UNC13D: variants seen among roughly 807,000 people sequenced by gnomAD.
UNC13D encodes unc-13 homolog D.
A neutral mutation model predicts 151.7 loss-of-function variants in UNC13D; 115 were observed. That is an observed-to-expected ratio of 0.76 (90% CI 0.65 to 0.88). The LOEUF is 0.88. Among genes scored for constraint, UNC13D ranks in the 40% least tolerant of loss-of-function variants. The pLI, the probability that UNC13D is intolerant of heterozygous loss-of-function variation, is 0.00. For missense variants in UNC13D, 1,369 were observed against 1,438.7 expected (o/e 0.95, Z 0.78); for synonymous variants, 588 against 612.2 (o/e 0.96, Z 0.58).
chr17:75,844,086 G>A (rs1469373341), intron 1 of UNC13D, 135 bp downstream of exon 1: 11 of 1,499,722 alleles, frequency 7.3e-6, no homozygotes, highest in Non-Finnish European at 9.9e-6. Context: ...GCTCTCCCCA[G>A]GGTGGAGTAG....
chr17:75,835,856 A>G lies in UNC13D; in HGVS notation c.1595T>C (p.Leu532Pro), dbSNP rs773716972. The G allele has an allele frequency of 1.2e-6, 2 of 1,614,024 alleles. No homozygotes were observed. Among genetic ancestry groups the G allele is most frequent in the Non-Finnish European group, 1.7e-6 (2 of 1,180,032 alleles). ...FSMAFRELQW[L>P]VAKRVQDHTT... ...CCTAGAGACGGGGGAGGGACTCACC[A>G]GCCACTGCAGCTCCCGGAAAGCCAT... The change falls in exon 18 of 32, where the codon CTG becomes CCG. Residue 532 changes from leucine (L) to proline (P), a missense_variant and splice_region_variant. Physicochemically the swap from Leu to Pro is moderately conservative, Grantham distance 98. Coordinates refer to ENST00000207549, the MANE Select transcript of UNC13D (RefSeq NM_199242.3).
rs1465490251 is a variant in UNC13D, at chr17:75,836,098, C to A, written c.1458G>T (p.Glu486Asp). 6.2e-7 allele frequency: 1 copy of A among 1,613,440 alleles called. No homozygotes were observed. The highest frequency in any genetic ancestry group is 2.2e-5 in the East Asian group (1 of 44,890). The change falls in exon 17 of 32, where the codon GAG becomes GAT. Residue 486 changes from glutamate to aspartate, a missense_variant. Physicochemically the swap from Glu to Asp is conservative, Grantham distance 45. Transcript: ENST00000207549. ...CCAGGCCCAGCAAGGCCTTGCCTGC[C>A]TCCGGGATGCCCTGCAGAGACAGAG... ...HHQPMVQGIPEAGKALLGLVQ... is the reference protein window; with the variant it reads ...HHQPMVQGIPDAGKALLGLVQ...
rs977219681 is a variant in UNC13D, at chr17:75,834,620, T to C, written c.2089A>G (p.Met697Val). ...CCCAGCCCCAGCTCTGGCCTTACCA[T>C]GTTGGCTGCCTGGCCTTGGTCCTTC... The part of the protein sequence containing the change: ...GQKDQGQAAN[M>V]LCVVVNDMEQ... Residue 697 changes from methionine (M) to valine (V), a missense_variant and splice_region_variant, in exon 22 of 32, where the codon ATG becomes GTG. Met to Val is a conservative substitution (Grantham distance 21). Transcript: ENST00000207549. The C allele has an allele frequency of 6.2e-7, 1 of 1,613,788 alleles. No homozygotes were observed. The highest frequency in any genetic ancestry group is 1.7e-5 in the Admixed American group (1 of 60,020).
At position 75,840,450 on chromosome 17, in the gene UNC13D, C is replaced by T. The variant is rs1258328390; in HGVS notation, c.753+57G>A. On this transcript the variant is annotated intron_variant, in intron 9 of 31. Transcript: ENST00000207549. The surrounding 1 kb of genome is among the most constrained non-coding windows in gnomAD (Gnocchi z 4.6). ...AGGACACAGAGCCTCTCCCCAGAAC[C>T]CCTCCCAACCCCCTCCCTCTGCCTC... The T allele has an allele frequency of 3.7e-6, 6 of 1,611,520 alleles. No individual in the cohort carries two copies. In the East Asian group the frequency reaches 6.7e-5, roughly 18 times the overall value.
rs1353643608 is a variant in UNC13D at position 75,830,053 on chromosome 17, G to T, written c.2929C>A (p.Pro977Thr). Residue 977 changes from proline (P) to threonine (T), a missense_variant, in exon 30 of 32, where the codon CCA becomes ACA. Transcript: ENST00000207549. ...ETQKHKKDLH[P>T]LFDETFEFLV... ...AATTCAAAGGTCTCATCAAACAATG[G>T]GTGAAGGTCCTTCTTGTGCTTCTGG... 2 of 1,577,664 alleles carry T rather than the reference G, an allele frequency of 1.3e-6. No homozygotes were observed. Among genetic ancestry groups the T allele is most frequent in the Admixed American group, 3.7e-5 (2 of 53,728 alleles).
chr17:75,843,212 G>C lies in UNC13D; in HGVS notation c.208C>G (p.Pro70Ala). 2 of 1,611,872 alleles carry C rather than the reference G, an allele frequency of 1.2e-6. No individual in the cohort carries two copies. Among genetic ancestry groups the C allele is most frequent in the Non-Finnish European group, 1.7e-6 (2 of 1,179,962 alleles). The change falls in exon 3 of 32, where the codon CCT becomes GCT. Residue 70 changes from proline to alanine, a missense_variant. Physicochemically the swap from Pro to Ala is conservative, Grantham distance 27 (BLOSUM62 -1). Coordinates refer to ENST00000207549, the MANE Select transcript of UNC13D (RefSeq NM_199242.3). ...LYTVLHRLGHPEPNHVTEASE... is the reference protein window; with the variant it reads ...LYTVLHRLGHAEPNHVTEASE... Reference sequence around the variant, plus strand: ...GCCTCCGTCACATGGTTGGGCTCAGGATGACCCAGGCGGTGCAAGACAGTG... The same window carrying C: ...GCCTCCGTCACATGGTTGGGCTCAGCATGACCCAGGCGGTGCAAGACAGTG...
chr17:75,838,470 C>T (rs559826929), intron 12 of UNC13D, among the ~76,000 whole-genome samples: 6 of 152,100 alleles, frequency 3.9e-5, no homozygotes, highest in African/African-American at 7.2e-5. Flanking sequence ...CTGCCTGTCT[C>T]GGCCTCCCAA....
At chr17:75,843,735 G>A in intron 1 of UNC13D, 1 of 1,429,558 alleles carries the variant, frequency 7.0e-7, no homozygotes, top group Non-Finnish European at 9.1e-7. Flanking sequence ...GTGCCCAGCA[G>A]CGCGAGCCCT....
rs374817892 is a variant in UNC13D at position 75,837,019 on chromosome 17, A to G, written c.1056-101T>C. The G allele has an allele frequency of 9.3e-4, 498 of 532,858 alleles. 6 individuals carry two copies. In the South Asian group the frequency reaches 0.011, roughly 11 times the overall value. The allele number at this position is 532,858 out of a possible 1,614,324, so 33.0% of individuals were successfully genotyped here. A position where few individuals can be genotyped will look rare whatever the true frequency, so the allele number is the denominator to read the frequency against. On this transcript the variant is annotated intron_variant, in intron 12 of 31. Coordinates refer to ENST00000207549, the MANE Select transcript of UNC13D (RefSeq NM_199242.3). ...GGGGAATCGCCTCCCATCCACCAGT[A>G]CAGGCTGAAAACTAGTGGCTCAACA...
chr17:75,827,414 TCCA>T lies in UNC13D; in HGVS notation c.*548_*550del. ...CCCTCAGAGCCAGAAGGTTCTTGGC[TCCA>T]GGCTTCCTGGCCTGGATGCTGGCAG... is the stretch of plus-strand genomic sequence containing the variant. On this transcript the variant is annotated 3_prime_UTR_variant, in exon 32 of 32. Coordinates refer to ENST00000207549, the MANE Select transcript of UNC13D (RefSeq NM_199242.3). 4.3e-6 allele frequency: 6 copies of T among 1,411,660 alleles called. No individual in the cohort carries two copies. The highest frequency in any genetic ancestry group is 5.8e-5 in the Admixed American group (2 of 34,364). 87.4% of individuals were successfully genotyped at this position (1,411,660 alleles called of 1,614,324 possible).
intron 12 of UNC13D, 68 bp downstream of exon 12, chr17:75,839,771 G>C (rs1026153202): frequency 6.6e-7 from 1 of 1,523,252 alleles, no homozygotes; most frequent in African/African-American, 1.4e-5. Flanking sequence ...TGGGCTACCG[G>C]CTTGGAGGAG....
Position 75,840,948 on chromosome 17 carries a change from G to T in UNC13D, c.614+9C>A, listed in dbSNP as rs1038930144. 5 of 1,613,880 alleles carry T rather than the reference G, an allele frequency of 3.1e-6. No individual in the cohort carries two copies. Among genetic ancestry groups the T allele is most frequent in the Non-Finnish European group, 4.2e-6 (5 of 1,180,036 alleles). On this transcript the variant is annotated intron_variant, in intron 7 of 31. Transcript: ENST00000207549. This position sits in a 1 kb window ranked among gnomAD's most constrained non-coding sequence, Gnocchi z 4.6. The stretch of plus-strand genomic sequence containing the variant: ...CTTCCCATCCCTAGGGGCAGGCCAG[G>T]TCACTCACCACATGTCCAGATGAAA...
At chr17:75,835,957 T>C (rs774194745) in intron 17 of UNC13D, 51 bp from the exon 18 acceptor site, 11 of 1,614,170 alleles carry the variant, frequency 6.8e-6, no homozygotes, top group Non-Finnish European at 8.5e-6. Context: ...AGGGTCCCCA[T>C]GGTTCCGGCT....
intron 5 of UNC13D, 85 bp from the exon 6 acceptor site, chr17:75,842,698 G>GCCT: frequency 6.2e-7 from 1 of 1,603,288 alleles, no homozygotes; most frequent in African/African-American, 1.3e-5. Context: ...CCGGGGCTGA[G>GCCT]CCTCCTCCGG....
intron 12 of UNC13D, 47 bp downstream of exon 12, chr17:75,839,792 G>T: frequency 6.3e-7 from 1 of 1,595,696 alleles, no homozygotes; most frequent in South Asian, 1.1e-5. Flanking sequence ...GGCAGGGGGC[G>T]TGGGGGGCTG....
Position 75,833,210 on chromosome 17 carries a change from T to C in UNC13D, c.2368-165A>G. On this transcript the variant is annotated intron_variant, in intron 24 of 31. Coordinates refer to ENST00000207549, the MANE Select transcript of UNC13D (RefSeq NM_199242.3). This position sits in a 1 kb window ranked among gnomAD's most constrained non-coding sequence, Gnocchi z 4.0. ...CTGCCCACCTCTCTGCCTTCCCCTCTCCGTTGCTCAGCCTGTCCCAGCCAC... is the reference window on the plus strand; with the variant it reads ...CTGCCCACCTCTCTGCCTTCCCCTCCCCGTTGCTCAGCCTGTCCCAGCCAC... 3 of 634,198 alleles carry C rather than the reference T, an allele frequency of 4.7e-6. No individual in the cohort carries two copies. The highest frequency in any genetic ancestry group is 5.7e-6 in the Non-Finnish European group (2 of 351,610). The allele number at this position is 634,198 out of a possible 1,614,324, so 39.3% of individuals were successfully genotyped here. A position where few individuals can be genotyped will look rare whatever the true frequency, so the allele number is the denominator to read the frequency against.
At position 75,834,370 on chromosome 17, in the gene UNC13D, C is replaced by A. The variant is rs1240535601; in HGVS notation, c.2253G>T (p.Gly751=). The A allele has an allele frequency of 1.9e-6, 3 of 1,593,622 alleles. No homozygotes were observed. The highest frequency in any genetic ancestry group is 2.5e-6 in the Non-Finnish European group (3 of 1,178,244). ...CGCCAGTGCGGATCTCATGGCCCAG[C>A]CCGGCCAGCGCGCTCTGCAGCTGGG... ...LHAQLQSALA[G]LGHEIRTGVR... Residue 751 remains glycine, a synonymous_variant, in exon 23 of 32, where the codon GGG becomes GGT. Transcript: ENST00000207549.
At chr17:75,834,238 A>T (rs1001818378) in intron 23 of UNC13D, 87 bp downstream of exon 23, 2 of 1,586,714 alleles carry the variant, frequency 1.3e-6, no homozygotes, top group African/African-American at 2.7e-5. Context: ...CGAAGGGGTC[A>T]GGGTTGGACC....
chr17:75,834,588 C>A, intron 22 of UNC13D, 30 bp downstream of exon 22: 1 of 1,613,382 alleles, frequency 6.2e-7, no homozygotes, highest in East Asian at 2.2e-5. Flanking sequence ...CCACACCCAG[C>A]TAGACTCCCA....
Sources: allele counts gnomAD v4.1 joint callset (sites outside exome capture counted in the v4.1 genomes callset), GRCh38; gene constraint gnomAD v4.1.1; non-coding constraint Gnocchi (gnomAD v3.1); transcripts MANE v1.5; gene names NCBI Gene and HGNC (gene_info 2026-07-23, HGNC 2026-07-21).